The following CACNA2D2 variants were observed in gnomAD, a reference collection of about 807,000 sequenced individuals.
CACNA2D2 encodes the protein voltage-dependent calcium channel subunit alpha-2/delta-2.
CACNA2D2 carries 48 observed loss-of-function variants against 166.4 expected under a neutral mutation model. The ratio of observed to expected loss-of-function variants is 0.29; its 90% CI spans 0.23 to 0.37. CACNA2D2 has a LOEUF of 0.37. Among genes scored for constraint, CACNA2D2 ranks in the 10% least tolerant of loss-of-function variants. The pLI is 1.00. For missense variants in CACNA2D2, 1,122 were observed against 1,433.0 expected, an observed-to-expected ratio of 0.78 and a Z score of 3.50; for synonymous variants, 561 against 573.7, an observed-to-expected ratio of 0.98 and a Z score of 0.32.
chr3:50,384,058 G>A (rs865814676), intron 6 of CACNA2D2, 138 bp downstream of exon 6: 9 of 1,042,814 alleles, frequency 8.6e-6, no homozygotes, highest in African/African-American at 3.2e-5. Context: ...TGAGAGGTGC[G>A]CAGGAGTAAT....
intron 2 of CACNA2D2, among the ~76,000 whole-genome samples, chr3:50,450,856 G>A (rs1344098011): frequency 1.3e-5 from 2 of 152,176 alleles, no homozygotes; most frequent in South Asian, 2.1e-4. Context: ...CCGATGTCAC[G>A]GGTGTCCTTA....
intron 2 of CACNA2D2, among the ~76,000 whole-genome samples, chr3:50,458,765 T>G (rs1231090625): frequency 6.6e-6 from 1 of 152,200 alleles, no homozygotes; most frequent in African/African-American, 2.4e-5. Flanking sequence ...ACTATGGTGA[T>G]TGACTTACCA....
intron 3 of CACNA2D2, among the ~76,000 whole-genome samples, chr3:50,426,875 A>G (rs1313990333): frequency 6.6e-6 from 1 of 152,132 alleles, no homozygotes; most frequent in Non-Finnish European, 1.5e-5. Context: ...CAAGAGAATG[A>G]CTATTTCTCT....
At chr3:50,402,241 C>G (rs1355763438) in intron 3 of CACNA2D2, among the ~76,000 whole-genome samples, 3 of 152,190 alleles carry the variant, frequency 2.0e-5, no homozygotes, top group African/African-American at 7.2e-5. Context: ...CAAGGGGCCT[C>G]TGTGGCTGGG....
intron 6 of CACNA2D2, 57 bp from the exon 7 acceptor site, chr3:50,381,183 C>T: frequency 1.3e-6 from 2 of 1,592,502 alleles, no homozygotes; most frequent in Non-Finnish European, 1.7e-6. Flanking sequence ...CTGTCGAACC[C>T]ACCACCACGA....
In CACNA2D2 at chr3:50,457,581, T is replaced by A. The variant is rs545655898; in HGVS notation, c.288+18537A>T. On this transcript the variant is annotated intron_variant, in intron 2 of 37. Coordinates refer to ENST00000424201, the MANE Select transcript of CACNA2D2 (RefSeq NM_006030.4). ...CCAGGTGCTCTGGTCCAGCTGTGTC[T>A]CCAGGTCCAGTCCTTGCCTCTTGCT... Among the ~76,000 whole-genome samples, 170 of 152,262 alleles carry A rather than the reference T, an allele frequency of 1.1e-3. 6 individuals are homozygous for A. In the South Asian group the frequency reaches 0.035, roughly 31 times the overall value.
In CACNA2D2 at chr3:50,395,283, C is replaced by T. The variant is rs372858352; in HGVS notation, c.406-1115G>A. Among the ~76,000 whole-genome samples, 65 of 152,260 alleles carry T rather than the reference C, an allele frequency of 4.3e-4. 1 individual carries two copies. In the South Asian group the frequency reaches 0.011, roughly 26 times the overall value. ...CATTGTGGCCCTCCTCAGATGAGGA[C>T]GGCCAGGCACAGAGACGGCCAGCAG... On this transcript the variant is annotated intron_variant, in intron 3 of 37. Transcript: ENST00000424201.
chr3:50,487,558 C>T (rs1207993850), intron 1 of CACNA2D2, among the ~76,000 whole-genome samples: 1 of 152,186 alleles, frequency 6.6e-6, no homozygotes, highest in Non-Finnish European at 1.5e-5. Flanking sequence ...ACGCCATGAA[C>T]CTGTTACTCT....
At chr3:50,449,110 C>T (rs1708990175) in intron 2 of CACNA2D2, among the ~76,000 whole-genome samples, 2 of 152,230 alleles carry the variant, frequency 1.3e-5, no homozygotes, top group South Asian at 4.1e-4. Flanking sequence ...CAGGGCCCTT[C>T]TTAGCCAGTG....
intron 1 of CACNA2D2, among the ~76,000 whole-genome samples, chr3:50,494,091 G>A (rs1322106915): frequency 6.6e-6 from 1 of 152,196 alleles, no homozygotes; most frequent in Non-Finnish European, 1.5e-5. Context: ...CAGCAAGCCT[G>A]GCGGGGGGTC....
chr3:50,409,440 A>G (rs571636361), intron 3 of CACNA2D2, among the ~76,000 whole-genome samples: 5 of 152,350 alleles, frequency 3.3e-5, no homozygotes, highest in Admixed American at 2.6e-4. Flanking sequence ...GTGCTCCTGA[A>G]ATATATGGGT....
At chr3:50,368,013 G>A (rs1488602694) in intron 24 of CACNA2D2, 111 bp from the exon 25 acceptor site, 2 of 1,139,840 alleles carry the variant, frequency 1.8e-6, no homozygotes, top group Admixed American at 3.6e-5. Context: ...ACCTGGCCCT[G>A]GCCCAGGCCC....
At position 50,367,605 on chromosome 3, in the gene CACNA2D2, C is replaced by CA; in HGVS notation, c.2297+36dup. ...GGCAGAACAGATGCAGGTTCCCTGG[C>CA]AGGGGCAGGGTTTGGGTAGTGGGAT... On this transcript the variant is annotated intron_variant, in intron 26 of 37. Coordinates refer to ENST00000424201, the MANE Select transcript of CACNA2D2 (RefSeq NM_006030.4). The surrounding 1 kb of genome is among the most constrained non-coding windows in gnomAD (Gnocchi z 6.5). The CA allele has an allele frequency of 6.2e-7, 1 of 1,608,712 alleles. No individual in the cohort carries two copies. Among genetic ancestry groups the CA allele is most frequent in the Non-Finnish European group, 8.5e-7 (1 of 1,175,814 alleles).
At chr3:50,501,500 CCG>C (rs1024777578) in intron 1 of CACNA2D2, among the ~76,000 whole-genome samples, 83 of 152,204 alleles carry the variant, frequency 5.5e-4, no homozygotes, top group African/African-American at 1.9e-3. Context: ...GCCGTCACAC[CCG>C]CCTCGCCATC....
intron 2 of CACNA2D2, among the ~76,000 whole-genome samples, chr3:50,451,444 C>T (rs1442343333): frequency 1.3e-5 from 2 of 152,110 alleles, no homozygotes; most frequent in African/African-American, 2.4e-5. Context: ...GTTTTAAGGC[C>T]CCTCCCCAGG....
At chr3:50,403,143 T>A (rs1706528932) in intron 3 of CACNA2D2, among the ~76,000 whole-genome samples, 1 of 152,164 alleles carries the variant, frequency 6.6e-6, no homozygotes, top group South Asian at 2.1e-4. Flanking sequence ...TGTACCTTGA[T>A]CTCTCATCTA....
At chr3:50,447,443 C>T (rs1051244483) in intron 2 of CACNA2D2, among the ~76,000 whole-genome samples, 2 of 152,148 alleles carry the variant, frequency 1.3e-5, no homozygotes, top group African/African-American at 2.4e-5. Context: ...AGCAAGGAGG[C>T]GGTGAGGGCA....
At chr3:50,480,810 AGGGGG>A (rs1698012358) in intron 1 of CACNA2D2, among the ~76,000 whole-genome samples, 1 of 3,796 alleles carries the variant, frequency 2.6e-4, no homozygotes, top group Non-Finnish European at 4.3e-4. Context: ...TGCTCAGGGG[AGGGGG>A]AGGGTAAAGA....
intron 1 of CACNA2D2, among the ~76,000 whole-genome samples, chr3:50,485,187 C>T (rs1258683458): frequency 2.0e-5 from 3 of 152,198 alleles, no homozygotes; most frequent in Non-Finnish European, 4.4e-5. Context: ...CCACCCTGTC[C>T]CTAAACACCA....
Sources: allele counts gnomAD v4.1 joint callset (sites outside exome capture counted in the v4.1 genomes callset), GRCh38; gene constraint gnomAD v4.1.1; non-coding constraint Gnocchi (gnomAD v3.1); transcripts MANE v1.5; gene names NCBI Gene and HGNC (gene_info 2026-07-23, HGNC 2026-07-21).